Variants in LARGE1 observed in about 807,000 individuals in gnomAD.
The protein encoded by LARGE1 is LARGE xylosyl- and glucuronyltransferase 1, also known as xylosyl- and glucuronyltransferase LARGE1.
LARGE1 carries 43 observed loss-of-function variants against 87.6 expected under a neutral mutation model. That is an observed-to-expected ratio of 0.49 (90% CI 0.38 to 0.63). The LOEUF is 0.63. Among genes scored for constraint, LARGE1 ranks in the 30% least tolerant of loss-of-function variants. LARGE1 has a pLI of 0.00. For missense variants in LARGE1, 802 were observed against 1,000.2 expected, an observed-to-expected ratio of 0.80 and a Z score of 2.67; for synonymous variants, 434 against 394.6, an observed-to-expected ratio of 1.10 and a Z score of -1.18.
chr22:33,416,547 G>GT (rs911172799), intron 7 of LARGE1, among the ~76,000 whole-genome samples: 18 of 151,644 alleles, frequency 1.2e-4, no homozygotes, highest in East Asian at 5.8e-4. Context: ...TGTTTTGTGT[G>GT]TTTTTTTTGG....
At chr22:33,573,588 G>T (rs1308419846) in intron 5 of LARGE1, among the ~76,000 whole-genome samples, 1 of 152,172 alleles carries the variant, frequency 6.6e-6, no homozygotes, top group Non-Finnish European at 1.5e-5. Context: ...AGGGACCAGG[G>T]TCCATGATGA....
chr22:33,840,587 T>C (rs976767365), intron 1 of LARGE1, among the ~76,000 whole-genome samples: 8 of 152,178 alleles, frequency 5.3e-5, no homozygotes, highest in African/African-American at 1.4e-4. Context: ...ATTGGATCTA[T>C]TGCCCTCCTT....
At chr22:33,898,385 G>A (rs2065199533) in intron 1 of LARGE1, among the ~76,000 whole-genome samples, 1 of 152,166 alleles carries the variant, frequency 6.6e-6, no homozygotes, top group African/African-American at 2.4e-5. Flanking sequence ...AGATGCAGAG[G>A]GAGTGCAAAG....
At chr22:33,708,560 A>G (rs898766107) in intron 2 of LARGE1, among the ~76,000 whole-genome samples, 1 of 152,096 alleles carries the variant, frequency 6.6e-6, no homozygotes, top group African/African-American at 2.4e-5. Context: ...AGAGTTCTGG[A>G]GGTTGGAAGT....
chr22:33,655,786 T>TA (rs1048709129), intron 2 of LARGE1, among the ~76,000 whole-genome samples: 6 of 151,952 alleles, frequency 3.9e-5, no homozygotes, highest in Non-Finnish European at 5.9e-5. Context: ...AACTTTTTGT[T>TA]AAAAAAAGGC....
chr22:33,280,315 C>CAAAAAAA (rs58680121), intron 13 of LARGE1, among the ~76,000 whole-genome samples: 2 of 67,420 alleles, frequency 3.0e-5, no homozygotes, highest in African/African-American at 4.4e-5. Context: ...GGTAACTCCT[C>CAAAAAAA]AAAAAAAAAA....
At chr22:33,855,928 C>T (rs2063742785) in intron 1 of LARGE1, among the ~76,000 whole-genome samples, 1 of 152,136 alleles carries the variant, frequency 6.6e-6, no homozygotes, top group South Asian at 2.1e-4. Context: ...GAAACTGAAG[C>T]TTAAAAGGTT....
chr22:33,337,352 T>C (rs1392834836), intron 10 of LARGE1, among the ~76,000 whole-genome samples: 1 of 152,172 alleles, frequency 6.6e-6, no homozygotes, highest in Non-Finnish European at 1.5e-5. Flanking sequence ...GAGAGACACT[T>C]GATCTTTCCT....
At chr22:33,905,379 T>C (rs977093996) in intron 1 of LARGE1, among the ~76,000 whole-genome samples, 2 of 152,306 alleles carry the variant, frequency 1.3e-5, no homozygotes, top group Non-Finnish European at 2.9e-5. Flanking sequence ...CCTTGAATTC[T>C]GAAATTTGAA....
intron 2 of LARGE1, chr22:33,723,714 T>C: frequency 6.6e-6 from 1 of 152,108 alleles, no homozygotes; most frequent in Non-Finnish European, 1.5e-5. Flanking sequence ...ACAGGCATTC[T>C]GAGCCCCCCT....
chr22:33,149,337 T>C, the LARGE1 span, among the ~76,000 whole-genome samples: 1 of 152,174 alleles, frequency 6.6e-6, no homozygotes, highest in African/African-American at 2.4e-5. Context: ...CCACCGCACC[T>C]GGCCTGTTTT....
intron 2 of LARGE1, among the ~76,000 whole-genome samples, chr22:33,749,265 C>T (rs1414430491): frequency 1.3e-5 from 2 of 152,170 alleles, no homozygotes; most frequent in Admixed American, 1.3e-4. Flanking sequence ...CAGGCATGTG[C>T]CACCACGCCT....
At chr22:33,173,485 A>G (rs1922690765) in intron 11 of LARGE1, among the ~76,000 whole-genome samples, 2 of 152,320 alleles carry the variant, frequency 1.3e-5, no homozygotes, top group South Asian at 2.1e-4. Context: ...AAATTCACAC[A>G]TAGCAATATT....
intron 1 of LARGE1, among the ~76,000 whole-genome samples, chr22:33,783,060 G>GA (rs2085477453): frequency 6.6e-6 from 1 of 151,998 alleles, no homozygotes; most frequent in Non-Finnish European, 1.5e-5. Context: ...TCAATTTACA[G>GA]ACGAAAAGAC....
intron 11 of LARGE1, among the ~76,000 whole-genome samples, chr22:33,210,290 T>G (rs1415214377): frequency 2.6e-5 from 4 of 152,216 alleles, no homozygotes; most frequent in Middle Eastern, 3.2e-3. Context: ...CAGAGCATGG[T>G]CTGGCAGATA....
At chr22:33,116,076 C>CA in the LARGE1 span, 1 of 152,074 alleles carries the variant, frequency 6.6e-6, no homozygotes, top group Non-Finnish European at 1.5e-5. Flanking sequence ...GGACAGCACC[C>CA]AAAAAACAAT....
At chr22:33,743,030 T>C (rs747612779) in intron 2 of LARGE1, 2 of 152,088 alleles carry the variant, frequency 1.3e-5, no homozygotes, top group Non-Finnish European at 2.9e-5. Context: ...TTGTGAGATA[T>C]GGTTGTTTAA....
chr22:33,317,245 T>C (rs919446580), intron 10 of LARGE1, among the ~76,000 whole-genome samples: 8 of 151,248 alleles, frequency 5.3e-5, no homozygotes, highest in Admixed American at 2.6e-4. Flanking sequence ...AAAAAACAAA[T>C]AAAACAAATA....
At chr22:33,771,221 C>T (rs1027145174) in intron 1 of LARGE1, among the ~76,000 whole-genome samples, 3 of 150,578 alleles carry the variant, frequency 2.0e-5, no homozygotes, top group East Asian at 3.9e-4. Flanking sequence ...GATGCTGCCA[C>T]GGTTTGTTAC....
Sources: allele counts gnomAD v4.1 joint callset (sites outside exome capture counted in the v4.1 genomes callset), GRCh38; gene constraint gnomAD v4.1.1; transcripts MANE v1.5; gene names NCBI Gene and HGNC (gene_info 2026-07-23, HGNC 2026-07-21).